The following SLC25A3 variants were observed in gnomAD, a reference collection of about 807,000 sequenced individuals.
SLC25A3 encodes solute carrier family 25 member 3, also known as phosphate transport protein.
A neutral mutation model predicts 37.1 loss-of-function variants in SLC25A3; 14 were observed. The ratio of observed to expected loss-of-function variants is 0.38; its 90% CI spans 0.25 to 0.59. SLC25A3 has a LOEUF of 0.59. SLC25A3 is among the 20% of genes least tolerant of loss of function. SLC25A3 has a pLI of 0.67. For synonymous variants in SLC25A3, 161 were observed against 168.7 expected (o/e 0.95, Z 0.36); for missense variants, 385 against 458.1 (o/e 0.84, Z 1.46).
At chr12:98,598,065 CCGAGTGTTT>C in intron 4 of SLC25A3, 30 bp downstream of exon 4, 1 of 1,274,280 alleles carries the variant, frequency 7.8e-7, no homozygotes, top group Middle Eastern at 1.9e-4. Context: ...ATTGAATGTT[CCGAGTGTTT>C]AAGACTTTCC....
Position 98,601,231 on chromosome 12 carries a change from A to T in SLC25A3, c.875A>T (p.Lys292Ile). 1 of 1,614,084 alleles carries T rather than the reference A, an allele frequency of 6.2e-7. No individual in the cohort carries two copies. Among genetic ancestry groups the T allele is most frequent in the South Asian group, 1.1e-5 (1 of 91,072 alleles). ...GATTCTGTGGTATCTGTGTTGAATA[A>T]AGAAAAAGGTAGCAGTGCTTCTCTG... The part of the protein sequence containing the change: ...PADSVVSVLN[K>I]EKGSSASLVL... Residue 292 changes from lysine (K) to isoleucine (I), a missense_variant, in exon 7 of 8, where the codon AAA (lysine) becomes ATA (isoleucine). Lys to Ile is a moderately radical substitution (Grantham distance 102, BLOSUM62 -3). Around this residue, in one of 2 missense-constraint regions of SLC25A3, gnomAD observed 276 missense variants for 367.6 expected, o/e 0.75. Coordinates refer to ENST00000552981, the MANE Select transcript of SLC25A3 (RefSeq NM_002635.4).
Position 98,598,531 on chromosome 12 carries a change from T to G in SLC25A3, c.469T>G (p.Tyr157Asp). The G allele has an allele frequency of 6.2e-7, 1 of 1,612,620 alleles. No homozygotes were observed. Among genetic ancestry groups the G allele is most frequent in the East Asian group, 2.2e-5 (1 of 44,880 alleles). Reference sequence around the variant, plus strand: ...GTGTTTTGGATTTTAGGAGAATACTTATCTCTGGCGCACATCACTATATTT... The same window carrying G: ...GTGTTTTGGATTTTAGGAGAATACTGATCTCTGGCGCACATCACTATATTT... Reference protein sequence around the residue: ...YSNMLGEENTYLWRTSLYLAA... With the variant: ...YSNMLGEENTDLWRTSLYLAA... The change falls in exon 5 of 8, where the codon TAT (tyrosine) becomes GAT (aspartate). Residue 157 changes from tyrosine (Y) to aspartate (D), a missense_variant. Transcript: ENST00000552981.
chr12:98,598,244 T>A (rs1284454750), intron 4 of SLC25A3: 2 of 679,640 alleles, frequency 2.9e-6, no homozygotes, highest in Non-Finnish European at 4.9e-6. Flanking sequence ...TATACTATCT[T>A]GTTTTCTAAG....
At chr12:98,595,676 A>G (rs958068667) in intron 2 of SLC25A3, 51 bp from the exon 3 acceptor site, 1 of 1,614,116 alleles carries the variant, frequency 6.2e-7, no homozygotes. Context: ...GTTTATGACC[A>G]GTAACATGAG....
chr12:98,598,810 C>G (rs981055154), intron 5 of SLC25A3, 107 bp downstream of exon 5: 87 of 1,085,402 alleles, frequency 8.0e-5, no homozygotes, highest in Non-Finnish European at 1.0e-4. Context: ...AAGTCTCGCT[C>G]TGTCACCCAG....
At position 98,594,118 on chromosome 12, in the gene SLC25A3, C is replaced by T. The variant is rs1309860069; in HGVS notation, c.140C>T (p.Ala47Val). The change falls in exon 2 of 8, where the codon GCA (alanine) becomes GTA (valine). Residue 47 changes from alanine (A) to valine (V), a missense_variant. By Grantham distance (64) the Ala-to-Val change is moderately conservative. Coordinates refer to ENST00000552981, the MANE Select transcript of SLC25A3 (RefSeq NM_002635.4). ...CAGCCCCGCCGCCCTCGCAACCTGG[C>T]AGCCGCCGCCGTGGAAGGTGAGATC... The part of the protein sequence containing the change: ...TGQPRRPRNL[A>V]AAAVEEYSCE... 1.9e-6 allele frequency: 3 copies of T among 1,610,834 alleles called. No individual in the cohort carries two copies. In the East Asian group the frequency reaches 6.7e-5, roughly 36 times the overall value.
chr12:98,595,372 C>T (rs1332755103), intron 2 of SLC25A3: 1 of 1,584,426 alleles, frequency 6.3e-7, no homozygotes, highest in Non-Finnish European at 8.7e-7. Flanking sequence ...TCTTTCATTC[C>T]AGTGGCCTTA....
At position 98,604,263 on chromosome 12, in the gene SLC25A3, A is replaced by AATATATATATATATAT. The variant is rs71436922; in HGVS notation, c.*2744_*2759dup. On this transcript the variant is annotated 3_prime_UTR_variant, in exon 8 of 8. Transcript: ENST00000552981. ...GCGAAACTCTGTCTCAAAAAAAAAA[A>AATATATATATATATAT]ATATATATATATATATATATATATG... 4.5e-5 allele frequency: 6 copies of AATATATATATATATAT among 134,576 alleles called. No individual in the cohort carries two copies. The highest frequency in any genetic ancestry group is 1.7e-4 in the African/African-American group (6 of 34,888). The allele number at this position is 134,576 out of a possible 1,614,324, so 8.3% of individuals were successfully genotyped here.
intron 4 of SLC25A3, 131 bp from the exon 5 acceptor site, chr12:98,598,391 C>CA: frequency 7.2e-7 from 1 of 1,388,182 alleles, no homozygotes; most frequent in Non-Finnish European, 1.0e-6. Context: ...TATGAGACCA[C>CA]ATATATATTC....
Position 98,601,761 on chromosome 12 carries a change from TAGTTGGAAAGAATGAAGTATATA to T in SLC25A3, c.*238_*260del. The T allele has an allele frequency of 1.9e-6, 1 of 521,016 alleles. No homozygotes were observed. Among genetic ancestry groups the T allele is most frequent in the Non-Finnish European group, 3.4e-6 (1 of 291,232 alleles). The allele number at this position is 521,016 out of a possible 1,614,324, so 32.3% of individuals were successfully genotyped here. A position where few individuals can be genotyped will look rare whatever the true frequency, so the allele number is the denominator to read the frequency against. ...TTTTAAAAAAGATTTAGCTTTAAAA[TAGTTGGAAAGAATGAAGTATATA>T]AGTTAAGGAAAAAATACAAAACTGA... On this transcript the variant is annotated 3_prime_UTR_variant, in exon 8 of 8. Coordinates refer to ENST00000552981, the MANE Select transcript of SLC25A3 (RefSeq NM_002635.4).
At chr12:98,598,311 G>C in intron 4 of SLC25A3, 1 of 794,196 alleles carries the variant, frequency 1.3e-6, no homozygotes, top group Non-Finnish European at 2.0e-6. Context: ...GCGTAGTTCC[G>C]GGGCATGGCA....
chr12:98,594,525 G>C, intron 2 of SLC25A3: 1 of 598,036 alleles, frequency 1.7e-6, no homozygotes, highest in Non-Finnish European at 3.0e-6. Flanking sequence ...TTTGCCCTTA[G>C]TTTTCTTAAA....
intron 6 of SLC25A3, 174 bp from the exon 7 acceptor site, chr12:98,600,997 G>A (rs1030205876): frequency 2.8e-5 from 18 of 639,972 alleles, no homozygotes; most frequent in Non-Finnish European, 4.7e-5. Flanking sequence ...AACTTTAAAA[G>A]ATTGTTCCGT....
At chr12:98,595,639 G>T in intron 2 of SLC25A3, 88 bp from the exon 3 acceptor site, 8 of 1,613,170 alleles carry the variant, frequency 5.0e-6, no homozygotes, top group Non-Finnish European at 6.8e-6. Flanking sequence ...AACAAGCTGT[G>T]TGGAAACCTA....
chr12:98,600,362 C>G (rs763210477), intron 6 of SLC25A3, among the ~76,000 whole-genome samples: 1 of 151,686 alleles, frequency 6.6e-6, no homozygotes. Context: ...CGCAGCCTCC[C>G]AAGTAGCTGG....
Position 98,601,492 on chromosome 12 carries a change from A to C in SLC25A3, c.1050A>C (p.Pro350=). 1.9e-6 allele frequency: 3 copies of C among 1,614,034 alleles called. No individual in the cohort carries two copies. The highest frequency in any genetic ancestry group is 3.3e-4 in the Middle Eastern group (2 of 6,062). ...RLPRPPPPEM[P]ESLKKKLGLT... ...CTCGCCCTCCTCCACCCGAGATGCC[A>C]GAGTCTCTGAAGAAGAAGCTTGGGT... Residue 350 remains proline, a synonymous_variant, in exon 8 of 8, where the codon CCA becomes CCC. Transcript: ENST00000552981.
At position 98,601,433 on chromosome 12, in the gene SLC25A3, A is replaced by G. The variant is rs1026183185; in HGVS notation, c.991A>G (p.Ile331Val). ...TACCCTGACTGCACTACAGTGGTTT[A>G]TCTATGACTCCGTGAAGGTCTACTT... is the stretch of plus-strand genomic sequence containing the variant. ...IGTLTALQWF[I>V]YDSVKVYFRL... Residue 331 changes from isoleucine (I) to valine (V), a missense_variant, in exon 8 of 8, where the codon ATC (isoleucine) becomes GTC (valine). Transcript: ENST00000552981. 6.2e-7 allele frequency: 1 copy of G among 1,614,020 alleles called. No individual in the cohort carries two copies. Among genetic ancestry groups the G allele is most frequent in the Admixed American group, 1.7e-5 (1 of 60,014 alleles).
chr12:98,594,214 G>A (rs777559413), intron 2 of SLC25A3, 79 bp downstream of exon 2: 2 of 1,237,816 alleles, frequency 1.6e-6, no homozygotes, highest in African/African-American at 3.0e-5. Flanking sequence ...ACCCGGCTTG[G>A]AGGACAGGGA....
intron 3 of SLC25A3, among the ~76,000 whole-genome samples, 168 bp downstream of exon 3, chr12:98,596,016 T>C (rs778641559): frequency 2.6e-5 from 4 of 152,246 alleles, no homozygotes; most frequent in Non-Finnish European, 4.4e-5. Flanking sequence ...TTAAATCCAA[T>C]AAATGCCTCT....
Sources: allele counts gnomAD v4.1 joint callset (sites outside exome capture counted in the v4.1 genomes callset), GRCh38; gene constraint gnomAD v4.1.1; regional missense constraint gnomAD v4.1.1; transcripts MANE v1.5; gene names NCBI Gene and HGNC (gene_info 2026-07-23, HGNC 2026-07-21).